The following CEACAM4 variants were observed in gnomAD, a reference collection of about 807,000 sequenced individuals.
CEACAM4 encodes cell adhesion molecule CEACAM4.
CEACAM4 carries 30 observed loss-of-function variants against 28.7 expected under a neutral mutation model. The ratio of observed to expected loss-of-function variants is 1.05; its 90% CI spans 0.78 to 1.42. The LOEUF is 1.42. CEACAM4 is among the 40% of genes most tolerant of loss of function. The pLI, the probability that CEACAM4 is intolerant of heterozygous loss-of-function variation, is 0.00. For missense variants in CEACAM4, 330 were observed against 308.2 expected, an observed-to-expected ratio of 1.07 and a Z score of -0.53; for synonymous variants, 143 against 126.5, an observed-to-expected ratio of 1.13 and a Z score of -0.87.
chr19:41,620,560 T>C lies in CEACAM4; in HGVS notation c.595+15A>G. 2 of 1,610,418 alleles carry C rather than the reference T, an allele frequency of 1.2e-6. No individual in the cohort carries two copies. The highest frequency in any genetic ancestry group is 1.3e-5 in the African/African-American group (1 of 74,810). ...GGCCTAGGGGCTCCCACACCTGGGC[T>C]GAAGGGACACTCACCAGGGGTGGAG... On this transcript the variant is annotated intron_variant, in intron 4 of 6. Transcript: ENST00000221954.
chr19:41,619,630 T>C, intron 6 of CEACAM4, 40 bp downstream of exon 6: 1 of 1,577,934 alleles, frequency 6.3e-7, no homozygotes. Flanking sequence ...CTGGGTCCCC[T>C]GGAGCCTGCG....
chr19:41,619,787 T>A, intron 5 of CEACAM4, 76 bp from the exon 6 acceptor site: 1 of 1,264,832 alleles, frequency 7.9e-7, no homozygotes, highest in Non-Finnish European at 1.1e-6. Flanking sequence ...GGTTCCTGTC[T>A]CTGATCGGCC....
intron 3 of CEACAM4, among the ~76,000 whole-genome samples, chr19:41,621,025 T>C (rs1231259467): frequency 1.3e-5 from 2 of 152,020 alleles, no homozygotes; most frequent in East Asian, 3.9e-4. Flanking sequence ...GGAGCATGTA[T>C]CATATTCTCC....
Position 41,626,830 on chromosome 19 carries a change from C to T in CEACAM4, c.64+70G>A, listed in dbSNP as rs1277970076. ...CCCAGCCAGAAGCCCTCTATCCCCT[C>T]CTACCCAAGAGACCCCAGTCAGTCT... On this transcript the variant is annotated intron_variant, in intron 1 of 6. Transcript: ENST00000221954. The T allele has an allele frequency of 2.8e-6, 4 of 1,423,486 alleles. No individual in the cohort carries two copies. In the African/African-American group the frequency reaches 5.7e-5, roughly 20 times the overall value. 88.2% of individuals were successfully genotyped at this position (1,423,486 alleles called of 1,614,324 possible).
chr19:41,622,853 TATAG>T (rs1288831230), intron 2 of CEACAM4, among the ~76,000 whole-genome samples: 6,760 of 132,242 alleles, frequency 0.051, 162 homozygotes, highest in East Asian at 0.066. Flanking sequence ...TATACATATA[TATAG>T]ATAGATAGAT....
chr19:41,619,841 G>A (rs1427564552), intron 5 of CEACAM4, 130 bp from the exon 6 acceptor site: 2 of 800,076 alleles, frequency 2.5e-6, no homozygotes, highest in African/African-American at 1.8e-5. Flanking sequence ...TTCCCCTCAG[G>A]ATTGACCAGC....
downstream of CEACAM4, among the ~76,000 whole-genome samples, chr19:41,617,818 T>C (rs976801051): frequency 1.3e-5 from 2 of 152,198 alleles, no homozygotes; most frequent in Non-Finnish European, 2.9e-5. Context: ...CAGGTTTCTA[T>C]GTCACTAAGC....
In CEACAM4 at chr19:41,619,095, C is replaced by T; in HGVS notation, c.*235G>A. ...CAGGCCCATTCACTTTCCTTGCAAG[C>T]CCCCGCTTCCTGTGGTGATGAGAGG... On this transcript the variant is annotated 3_prime_UTR_variant, in exon 7 of 7. Coordinates refer to ENST00000221954, the MANE Select transcript of CEACAM4 (RefSeq NM_001817.4). The T allele has an allele frequency of 1.9e-6, 1 of 536,900 alleles. No homozygotes were observed. Among genetic ancestry groups the T allele is most frequent in the Non-Finnish European group, 3.3e-6 (1 of 304,708 alleles). The allele number at this position is 536,900 out of a possible 1,614,324, so 33.3% of individuals were successfully genotyped here.
At chr19:41,613,606 G>T in the CEACAM4 span, among the ~76,000 whole-genome samples, 27 of 151,960 alleles carry the variant, frequency 1.8e-4, no homozygotes, top group East Asian at 5.2e-3. Flanking sequence ...CCTTTATTAG[G>T]GTACAGAATA....
At chr19:41,615,831 G>T (rs1404978490), downstream of CEACAM4, among the ~76,000 whole-genome samples, 1 of 152,126 alleles carries the variant, frequency 6.6e-6, no homozygotes, top group Non-Finnish European at 1.5e-5. Flanking sequence ...ACACTGGATG[G>T]GTTGGACCTG....
At chr19:41,626,100 G>A (rs2071640953) in intron 1 of CEACAM4, 140 bp from the exon 2 acceptor site, 5 of 579,778 alleles carry the variant, frequency 8.6e-6, no homozygotes, top group Non-Finnish European at 1.5e-5. Context: ...GTGTGTGTGT[G>A]TGTGTGTGTG....
intron 2 of CEACAM4, among the ~76,000 whole-genome samples, chr19:41,623,142 G>A (rs1053014975): frequency 3.9e-5 from 6 of 152,128 alleles, no homozygotes; most frequent in Admixed American, 2.0e-4. Flanking sequence ...TCAGCCTTCC[G>A]AGTATCTAGG....
chr19:41,624,729 G>A (rs111723979), intron 2 of CEACAM4, among the ~76,000 whole-genome samples: 11 of 152,158 alleles, frequency 7.2e-5, no homozygotes, highest in African/African-American at 2.2e-4. Context: ...GTATCTCTCT[G>A]TGCCTCAGTT....
At chr19:41,621,595 C>T in intron 3 of CEACAM4, 56 bp downstream of exon 3, 1 of 967,218 alleles carries the variant, frequency 1.0e-6, no homozygotes, top group Non-Finnish European at 1.6e-6. Context: ...GGTCTCCCTC[C>T]TCCCTGACTG....
Position 41,621,008 on chromosome 19 carries a change from G to A in CEACAM4, c.543-381C>T, listed in dbSNP as rs1266046312. Among the ~76,000 whole-genome samples, 6 of 152,210 alleles carry A rather than the reference G, an allele frequency of 3.9e-5. No individual in the cohort carries two copies. The East Asian group carries it at 7.7e-4, about 20-fold the overall frequency. The stretch of plus-strand genomic sequence containing the variant: ...ACACTGGGGGAGCTGGGGGCATGGG[G>A]AGGCAAGGAGCATGTATCATATTCT... On this transcript the variant is annotated intron_variant, in intron 3 of 6. Coordinates refer to ENST00000221954, the MANE Select transcript of CEACAM4 (RefSeq NM_001817.4).
chr19:41,616,488 GATAGATA>G (rs1459476299), downstream of CEACAM4, among the ~76,000 whole-genome samples: 1 of 806 alleles, frequency 1.2e-3, no homozygotes, highest in Non-Finnish European at 2.9e-3. Context: ...ATAGATAGAT[GATAGATA>G]GATAGATAGA....
intron 5 of CEACAM4, 53 bp downstream of exon 5, chr19:41,620,158 G>A: frequency 2.1e-6 from 3 of 1,454,028 alleles, no homozygotes; most frequent in Non-Finnish European, 2.8e-6. Context: ...CCTGCCCTGA[G>A]CCTGCACTGT....
intron 2 of CEACAM4, among the ~76,000 whole-genome samples, chr19:41,622,571 G>A (rs904652927): frequency 2.0e-5 from 3 of 152,076 alleles, no homozygotes; most frequent in Non-Finnish European, 4.4e-5. Flanking sequence ...GGGCATCACC[G>A]CCATCTGCAG....
In CEACAM4 at chr19:41,619,372, G is replaced by C; in HGVS notation, c.693C>G (p.Asn231Lys). Residue 231 changes from asparagine to lysine, a missense_variant, in exon 7 of 7, where the codon AAC becomes AAG. By Grantham distance (94) the Asn-to-Lys change is moderately conservative (BLOSUM62 0). Transcript: ENST00000221954. The part of the protein sequence containing the change: ...IYEELLYSDA[N>K]IYCQIDHKAD... ...CTTTGTGGTCGATCTGGCAGTAAAT[G>C]TTTGCATCAGAGTATAGCAATTCCT... 1 of 1,614,084 alleles carries C rather than the reference G, an allele frequency of 6.2e-7. No individual in the cohort carries two copies. The highest frequency in any genetic ancestry group is 8.5e-7 in the Non-Finnish European group (1 of 1,179,946).
Sources: allele counts gnomAD v4.1 joint callset (sites outside exome capture counted in the v4.1 genomes callset), GRCh38; gene constraint gnomAD v4.1.1; transcripts MANE v1.5; gene names NCBI Gene and HGNC (gene_info 2026-07-23, HGNC 2026-07-21).